The following TBC1D24 variants were observed in gnomAD, a reference collection of about 807,000 sequenced individuals.
TBC1D24 encodes Infantile myoclonic epilepsy.
In TBC1D24, 47 loss-of-function variants were observed where a neutral mutation model predicts 50.7. That is an observed-to-expected ratio of 0.93 (90% CI 0.73 to 1.18). The LOEUF is 1.18. Among genes scored for constraint, TBC1D24 ranks in the 50% most tolerant of loss-of-function variants. The probability of loss-of-function intolerance (pLI) is 0.00; values close to 1 mark genes in which losing one functional copy is unlikely to be tolerated. For missense variants in TBC1D24, 688 were observed against 766.5 expected (o/e 0.90, Z 1.21); for synonymous variants, 324 against 335.2 (o/e 0.97, Z 0.36).
chr16:2,493,066 C>G (rs896925656), intron 1 of TBC1D24, among the ~76,000 whole-genome samples: 1 of 151,930 alleles, frequency 6.6e-6, no homozygotes, highest in South Asian at 2.1e-4. Flanking sequence ...GCACTCCAGC[C>G]TGGACGACAG....
chr16:2,495,035 A>AC (rs1567410283), intron 1 of TBC1D24, among the ~76,000 whole-genome samples: 7 of 144,172 alleles, frequency 4.9e-5, no homozygotes, highest in African/African-American at 1.9e-4. Context: ...CACACACACA[A>AC]AATAAATAAT....
rs1212047932 is a variant in TBC1D24, at chr16:2,504,411, TCC to T, written c.*3455_*3456del. The T allele has an allele frequency of 3.4e-5, 5 of 147,048 alleles. No homozygotes were observed. Among genetic ancestry groups the T allele is most frequent in the African/African-American group, 1.3e-4 (5 of 39,550 alleles). The allele number at this position is 147,048 out of a possible 1,614,324, so 9.1% of individuals were successfully genotyped here. A position where few individuals can be genotyped will look rare whatever the true frequency, so the allele number is the denominator to read the frequency against. On this transcript the variant is annotated 3_prime_UTR_variant, in exon 8 of 8. Transcript: ENST00000646147. ...CTAAACCACAGGCCTATTGAGATTG[TCC>T]CTTTTTTTTTTTTTTTTTTTTTTGA...
intron 1 of TBC1D24, chr16:2,477,547 A>AGAGT (rs1243252782): frequency 6.6e-6 from 1 of 152,298 alleles, no homozygotes. Context: ...CCAGGGCAAC[A>AGAGT]GAGTGAGACC....
At position 2,496,880 on chromosome 16, in the gene TBC1D24, G is replaced by C; in HGVS notation, c.732G>C (p.Ala244=). ...VEGYKVLYRV[A]LAILKFFHKV... The stretch of plus-strand genomic sequence containing the variant: ...GCTACAAGGTGCTGTACCGCGTGGC[G>C]CTGGCCATCCTCAAGTTCTTCCACA... Residue 244 remains alanine (A), a synonymous_variant, in exon 2 of 8, where the codon GCG becomes GCC. Coordinates refer to ENST00000646147, the MANE Select transcript of TBC1D24 (RefSeq NM_001199107.2). The C allele has an allele frequency of 6.2e-7, 1 of 1,614,098 alleles. No homozygotes were observed. The highest frequency in any genetic ancestry group is 1.6e-4 in the Middle Eastern group (1 of 6,062).
In TBC1D24 at chr16:2,496,789, G is replaced by A. The variant is rs200324356; in HGVS notation, c.641G>A (p.Arg214His). The change falls in exon 2 of 8, where the codon CGC becomes CAC. Residue 214 changes from arginine to histidine, a missense_variant. Physicochemically the swap from Arg to His is conservative, Grantham distance 29 (BLOSUM62 0). Transcript: ENST00000646147. ...CTGCAGGTCTATGCGGACTGGCAGCGCTGGCTGTTTGGGGAGCTGCCCCTC... is the reference window on the plus strand; with the variant it reads ...CTGCAGGTCTATGCGGACTGGCAGCACTGGCTGTTTGGGGAGCTGCCCCTC... ...DVLQVYADWQ[R>H]WLFGELPLCY... 9.6e-4 allele frequency: 1,546 copies of A among 1,613,990 alleles called. 5 individuals are homozygous for A. The highest frequency in any genetic ancestry group is 5.6e-3 in the Middle Eastern group (34 of 6,062).
chr16:2,488,932 T>C (rs926113924), intron 1 of TBC1D24, among the ~76,000 whole-genome samples: 1 of 145,800 alleles, frequency 6.9e-6, no homozygotes, highest in African/African-American at 2.5e-5. Context: ...TAGCTGAGCG[T>C]GGTGGCGCGT....
intron 2 of TBC1D24, 38 bp downstream of exon 2, chr16:2,497,151 T>TG (rs1173905262): frequency 3.1e-6 from 5 of 1,597,910 alleles, no homozygotes; most frequent in Non-Finnish European, 3.4e-6. Flanking sequence ...ACACCCAGGG[T>TG]CGGGGGCTGG....
At position 2,497,028 on chromosome 16, in the gene TBC1D24, C is replaced by G; in HGVS notation, c.880C>G (p.Leu294Val). The G allele has an allele frequency of 6.2e-7, 1 of 1,613,718 alleles. No homozygotes were observed. The highest frequency in any genetic ancestry group is 8.5e-7 in the Non-Finnish European group (1 of 1,180,042). ...KLLEKAFAIRLFSRKEIQLLQ... is the reference protein window; with the variant it reads ...KLLEKAFAIRVFSRKEIQLLQ... ...GCTGGAGAAAGCGTTCGCCATCCGC[C>G]TCTTCTCCCGCAAGGAGATCCAGCT... The change falls in exon 2 of 8, where the codon CTC (leucine) becomes GTC (valine). Residue 294 changes from leucine to valine, a missense_variant. Leu to Val is a conservative substitution (Grantham distance 32, BLOSUM62 1). Transcript: ENST00000646147.
chr16:2,479,460 C>T (rs2065593679), intron 1 of TBC1D24: 1 of 152,262 alleles, frequency 6.6e-6, no homozygotes, highest in African/African-American at 2.4e-5. Flanking sequence ...ACTCTCCTTC[C>T]AGGACCCTGT....
chr16:2,485,692 C>T lies in TBC1D24; in HGVS notation c.-115-10342C>T, dbSNP rs907990183. ...GAGCTATCTCCAGGTAGATGTCTCC[C>T]GGTGTCGGGATTGAATTGGAGGACA... On this transcript the variant is annotated intron_variant, in intron 1 of 7. Coordinates refer to ENST00000646147, the MANE Select transcript of TBC1D24 (RefSeq NM_001199107.2). The surrounding 1 kb of genome is among the most constrained non-coding windows in gnomAD (Gnocchi z 4.6). 3.3e-5 allele frequency among the ~76,000 whole-genome samples: 5 copies of T among 152,156 alleles called. No individual in the cohort carries two copies. In the South Asian group the frequency reaches 8.3e-4, roughly 25 times the overall value.
At chr16:2,495,313 A>T (rs561308757) in intron 1 of TBC1D24, among the ~76,000 whole-genome samples, 58 of 152,172 alleles carry the variant, frequency 3.8e-4, no homozygotes, top group African/African-American at 1.3e-3. Flanking sequence ...GTGCCATTGC[A>T]CTCTAGCCTG....
chr16:2,496,144 G>A lies in TBC1D24; in HGVS notation c.-5G>A. On this transcript the variant is annotated 5_prime_UTR_variant, in exon 2 of 8. Coordinates refer to ENST00000646147, the MANE Select transcript of TBC1D24 (RefSeq NM_001199107.2). ...CCAGGGCCTCCTCCCGAGCACAGCG[G>A]CGCTATGGACTCTCCAGGATACAAC... 1 of 1,613,738 alleles carries A rather than the reference G, an allele frequency of 6.2e-7. No homozygotes were observed. The highest frequency in any genetic ancestry group is 1.3e-5 in the African/African-American group (1 of 75,048).
Position 2,499,210 on chromosome 16 carries a change from A to C in TBC1D24, c.1143-147A>C, listed in dbSNP as rs576803689. ...CAGAGAAGGGCCAGGTGAGAAGAACACCTGGGTGAGGGTGTTGTCGGGACC... is the reference window on the plus strand; with the variant it reads ...CAGAGAAGGGCCAGGTGAGAAGAACCCCTGGGTGAGGGTGTTGTCGGGACC... On this transcript the variant is annotated intron_variant, in intron 4 of 7. Transcript: ENST00000646147. This position sits in a 1 kb window ranked among gnomAD's most constrained non-coding sequence, Gnocchi z 4.0. The C allele has an allele frequency of 4.1e-5, 31 of 747,348 alleles. 1 individual carries two copies. In the South Asian group the frequency reaches 4.6e-4, roughly 11 times the overall value. 46.3% of individuals were successfully genotyped at this position (747,348 alleles called of 1,614,324 possible).
At position 2,485,449 on chromosome 16, in the gene TBC1D24, C is replaced by G. The variant is rs758387144; in HGVS notation, c.-116+10279C>G. 2 of 152,254 alleles carry G rather than the reference C, an allele frequency of 1.3e-5. No individual in the cohort carries two copies. The highest frequency in any genetic ancestry group is 6.5e-5 in the Admixed American group (1 of 15,288). The allele number at this position is 152,254 out of a possible 1,614,324, so 9.4% of individuals were successfully genotyped here. ...GGCAGCACCGTGTCCCTCTCCCGTA[C>G]CTCACCCTAAAGGTCTCTTCATCTG... On this transcript the variant is annotated intron_variant, in intron 1 of 7. Transcript: ENST00000646147. This position sits in a 1 kb window ranked among gnomAD's most constrained non-coding sequence, Gnocchi z 4.6.
intron 4 of TBC1D24, 118 bp downstream of exon 4, chr16:2,498,514 G>A: frequency 1.0e-6 from 1 of 989,814 alleles, no homozygotes; most frequent in Non-Finnish European, 1.5e-6. Context: ...TCTTCCTGTG[G>A]GGCCTAAGAA....
At chr16:2,490,442 G>A (rs1469804395) in intron 1 of TBC1D24, among the ~76,000 whole-genome samples, 1 of 152,166 alleles carries the variant, frequency 6.6e-6, no homozygotes, top group Non-Finnish European at 1.5e-5. Flanking sequence ...GGCGAGCAGC[G>A]ATTCGCTCGG....
At position 2,503,596 on chromosome 16, in the gene TBC1D24, C is replaced by G. The variant is rs1259374281; in HGVS notation, c.*2638C>G. 1 of 149,740 alleles carries G rather than the reference C, an allele frequency of 6.7e-6. No individual in the cohort carries two copies. The highest frequency in any genetic ancestry group is 2.0e-4 in the East Asian group (1 of 5,098). 9.3% of individuals were successfully genotyped at this position (149,740 alleles called of 1,614,324 possible). On this transcript the variant is annotated 3_prime_UTR_variant, in exon 8 of 8. Transcript: ENST00000646147. ...TTTTTTTTTTTTTGGGACAGAGTCA[C>G]CCAGGCTGGAGTGCAGTGGCATGAT...
Position 2,487,028 on chromosome 16 carries a change from G to A in TBC1D24, c.-115-9006G>A, listed in dbSNP as rs2065655943. On this transcript the variant is annotated intron_variant, in intron 1 of 7. Transcript: ENST00000646147. The surrounding 1 kb of genome is among the most constrained non-coding windows in gnomAD (Gnocchi z 4.1). Reference sequence around the variant, plus strand: ...GATTTTTGTAAACGCAGATCTGATCGGGTCACCTGCCTAGACTTTCCTCCT... The same window carrying A: ...GATTTTTGTAAACGCAGATCTGATCAGGTCACCTGCCTAGACTTTCCTCCT... Among the ~76,000 whole-genome samples, 3 of 152,146 alleles carry A rather than the reference G, an allele frequency of 2.0e-5. No individual in the cohort carries two copies. Among genetic ancestry groups the A allele is most frequent in the African/African-American group, 2.4e-5 (1 of 41,430 alleles).
In TBC1D24 at chr16:2,482,214, C is replaced by T. The variant is rs974254652; in HGVS notation, c.-116+7044C>T. ...TCTGAGTCTCTGCCTGTTTTCTTCT[C>T]TGTTCCCTCCTTCCCAGGGTACACT... On this transcript the variant is annotated intron_variant, in intron 1 of 7. Transcript: ENST00000646147. The surrounding 1 kb of genome is among the most constrained non-coding windows in gnomAD (Gnocchi z 5.2). 6 of 152,316 alleles carry T rather than the reference C, an allele frequency of 3.9e-5. No homozygotes were observed. The highest frequency in any genetic ancestry group is 1.2e-4 in the African/African-American group (5 of 41,464). 9.4% of individuals were successfully genotyped at this position (152,316 alleles called of 1,614,324 possible). A position where few individuals can be genotyped will look rare whatever the true frequency, so the allele number is the denominator to read the frequency against.
Sources: allele counts gnomAD v4.1 joint callset (sites outside exome capture counted in the v4.1 genomes callset), GRCh38; gene constraint gnomAD v4.1.1; non-coding constraint Gnocchi (gnomAD v3.1); transcripts MANE v1.5; gene names NCBI Gene and HGNC (gene_info 2026-07-23, HGNC 2026-07-21).